Variants in PALM2AKAP2 observed in about 807,000 individuals in gnomAD.
PALM2AKAP2 encodes PALM2-AKAP2 fusion protein.
PALM2AKAP2 carries 37 observed loss-of-function variants against 71.5 expected under a neutral mutation model. The observed-to-expected ratio is 0.52, with a 90% CI of 0.40 to 0.68. The LOEUF is 0.68. PALM2AKAP2 is among the 30% of genes least tolerant of loss of function. The pLI is 0.00. For missense variants in PALM2AKAP2, 1,224 were observed against 1,191.8 expected (o/e 1.03, Z -0.40); for synonymous variants, 468 against 478.8 (o/e 0.98, Z 0.29).
intron 6 of PALM2AKAP2, among the ~76,000 whole-genome samples, chr9:110,011,014 A>AAAATATATAT (rs35212981): frequency 6.5e-4 from 45 of 69,570 alleles, no homozygotes; most frequent in African/African-American, 1.3e-3. Flanking sequence ...AAAAAAAAAA[A>AAAATATATAT]ATATATATAT....
chr9:109,833,268 T>G (rs1187077542), intron 1 of PALM2AKAP2, among the ~76,000 whole-genome samples: 1 of 152,036 alleles, frequency 6.6e-6, no homozygotes, highest in Non-Finnish European at 1.5e-5. Context: ...GGCAGGAGAA[T>G]TGCTTGAACC....
chr9:109,966,318 A>G (rs568636494), intron 6 of PALM2AKAP2, among the ~76,000 whole-genome samples: 1 of 152,360 alleles, frequency 6.6e-6, no homozygotes, highest in South Asian at 2.1e-4. Context: ...GACTAATTTC[A>G]GAAGAGCCTT....
Position 109,853,052 on chromosome 9 carries a change from G to A in PALM2AKAP2, c.46-14439G>A, listed in dbSNP as rs2769149. Among the ~76,000 whole-genome samples the A allele has an allele frequency of 9.9e-5, 15 of 152,096 alleles. No individual in the cohort carries two copies. In the South Asian group the frequency reaches 1.2e-3, roughly 13 times the overall value. The stretch of plus-strand genomic sequence containing the variant: ...TTTAATTAGGTCCCAGTTGCCAGAC[G>A]GACAGCTTTGAATTCTGGTCTTAAC... On this transcript the variant is annotated intron_variant, in intron 1 of 9. Transcript: ENST00000302798.
chr9:109,822,487 A>ATAG (rs920256977), intron 1 of PALM2AKAP2, among the ~76,000 whole-genome samples: 2 of 152,186 alleles, frequency 1.3e-5, no homozygotes, highest in Admixed American at 1.3e-4. Flanking sequence ...GGTAATAAGC[A>ATAG]TAGTACCTGA....
chr9:109,984,520 T>TA lies in PALM2AKAP2; in HGVS notation c.497-31423dup, dbSNP rs55667140. Among the ~76,000 whole-genome samples the TA allele has an allele frequency of 4.2e-3, 601 of 144,382 alleles. 4 individuals carry two copies. The highest frequency in any genetic ancestry group is 0.013 in the African/African-American group (497 of 39,354). The allele number at this position is 144,382 out of a possible 152,430, so 94.7% of individuals were successfully genotyped here. On this transcript the variant is annotated intron_variant, in intron 6 of 9. Coordinates refer to the PALM2AKAP2 transcript ENST00000302798. ...ACAAAATGAGGCCCTACAAAAGAAT[T>TA]AAAAAAAAAAAGTTAAATTAAAATA...
intron 1 of PALM2AKAP2, among the ~76,000 whole-genome samples, chr9:109,773,335 C>T (rs1037816454): frequency 2.6e-5 from 4 of 152,056 alleles, no homozygotes; most frequent in Non-Finnish European, 2.9e-5. Context: ...TAGGGTCTCA[C>T]TATGTTGCCC....
intron 3 of PALM2AKAP2, among the ~76,000 whole-genome samples, chr9:109,906,636 C>T (rs140266559): frequency 3.3e-5 from 5 of 152,346 alleles, no homozygotes; most frequent in East Asian, 1.9e-4. Context: ...TTGCTTCCCA[C>T]AGTAGTCCAT....
chr9:109,824,311 C>G (rs935631911), intron 1 of PALM2AKAP2, among the ~76,000 whole-genome samples: 2 of 152,226 alleles, frequency 1.3e-5, no homozygotes, highest in Non-Finnish European at 2.9e-5. Context: ...TTGTTCCTCT[C>G]AGTCCCCACC....
At chr9:110,055,027 T>G (rs943379002) in intron 1 of PALM2AKAP2, among the ~76,000 whole-genome samples, 43 of 152,200 alleles carry the variant, frequency 2.8e-4, no homozygotes, top group African/African-American at 1.0e-3. Flanking sequence ...CCAGCTGCCA[T>G]TCTCACCCCT....
At position 109,758,022 on chromosome 9, in the gene PALM2AKAP2, C is replaced by G. The variant is rs143660298; in HGVS notation, c.6-22466C>G. Among the ~76,000 whole-genome samples, 358 of 152,148 alleles carry G rather than the reference C, an allele frequency of 2.4e-3. 2 individuals carry two copies. Among genetic ancestry groups the G allele is most frequent in the African/African-American group, 8.1e-3 (335 of 41,532 alleles). The stretch of plus-strand genomic sequence containing the variant: ...AGTTCCCATAAACAAACCCTAATAC[C>G]AGTTGGTGGCATATCTTTCCAGGGA... On this transcript the variant is annotated intron_variant, in intron 1 of 6. Coordinates refer to the PALM2AKAP2 transcript ENST00000374531.
At chr9:109,798,850 G>A (rs1422623223) in intron 1 of PALM2AKAP2, among the ~76,000 whole-genome samples, 2 of 152,220 alleles carry the variant, frequency 1.3e-5, no homozygotes, top group African/African-American at 4.8e-5. Flanking sequence ...GAAAACAGAA[G>A]CTCAGCTGAG....
chr9:110,068,085 CTCTTTTTTT>C (rs1353563223), intron 1 of PALM2AKAP2, among the ~76,000 whole-genome samples: 1 of 94,024 alleles, frequency 1.1e-5, no homozygotes, highest in Non-Finnish European at 2.0e-5. Context: ...ATGTTCCAAA[CTCTTTTTTT>C]TTTTTTTTTT....
chr9:110,128,146 G>A (rs147364992), intron 1 of PALM2AKAP2: 1 of 152,400 alleles, frequency 6.6e-6, no homozygotes, highest in East Asian at 1.9e-4. Flanking sequence ...TTCAGCTGAT[G>A]TGGGCATCTT....
At chr9:109,886,956 G>T (rs1829979039) in intron 3 of PALM2AKAP2, among the ~76,000 whole-genome samples, 1 of 152,142 alleles carries the variant, frequency 6.6e-6, no homozygotes, top group Non-Finnish European at 1.5e-5. Context: ...AAATATTGAA[G>T]TCTCAACTGC....
chr9:110,012,464 G>T (rs889204169), intron 6 of PALM2AKAP2, among the ~76,000 whole-genome samples: 7 of 151,974 alleles, frequency 4.6e-5, no homozygotes, highest in African/African-American at 7.2e-5. Flanking sequence ...ACACCCAAAT[G>T]GTCCATAGAG....
intron 1 of PALM2AKAP2, among the ~76,000 whole-genome samples, chr9:109,858,453 G>T (rs1467288319): frequency 1.3e-5 from 2 of 152,164 alleles, no homozygotes; most frequent in Non-Finnish European, 2.9e-5. Flanking sequence ...TTAGAGCTAA[G>T]CTGGCCCAAC....
intron 1 of PALM2AKAP2, among the ~76,000 whole-genome samples, chr9:109,751,798 C>A (rs1215581897): frequency 6.6e-6 from 1 of 151,616 alleles, no homozygotes; most frequent in Non-Finnish European, 1.5e-5. Context: ...AATCCATCAC[C>A]GAGTAAAGAG....
intron 1 of PALM2AKAP2, among the ~76,000 whole-genome samples, chr9:109,763,790 G>C (rs1214224649): frequency 6.6e-6 from 1 of 152,138 alleles, no homozygotes. Flanking sequence ...GAGGGAAGTA[G>C]GTGGAGGTCC....
At chr9:110,071,006 A>G (rs138938642) in intron 1 of PALM2AKAP2, among the ~76,000 whole-genome samples, 2,322 of 152,028 alleles carry the variant, frequency 0.015, 27 homozygotes, top group Middle Eastern at 0.031. Flanking sequence ...TACTAAAAAC[A>G]TACAAAAATT....
Sources: allele counts gnomAD v4.1 joint callset (sites outside exome capture counted in the v4.1 genomes callset), GRCh38; gene constraint gnomAD v4.1.1; transcripts MANE v1.5; gene names NCBI Gene and HGNC (gene_info 2026-07-23, HGNC 2026-07-21).